PLCH2: variants seen among roughly 807,000 people sequenced by gnomAD.
PLCH2 encodes phospholipase C eta 2.
Under a neutral mutation model 134.7 loss-of-function variants are expected in PLCH2, and 98 were observed. That is an observed-to-expected ratio of 0.73 (90% confidence interval 0.62 to 0.86). The LOEUF is 0.86. Among genes scored for constraint, PLCH2 ranks in the 40% least tolerant of loss-of-function variants. PLCH2 has a pLI of 0.00. For synonymous variants in PLCH2, 974 were observed against 827.5 expected, an observed-to-expected ratio of 1.18 and a Z score of -3.04; for missense variants, 1,994 against 1,986.6, an observed-to-expected ratio of 1.00 and a Z score of -0.07.
intron 2 of PLCH2, among the ~76,000 whole-genome samples, chr1:2,430,936 G>T (rs1212986098): frequency 6.6e-6 from 1 of 152,172 alleles, no homozygotes; most frequent in East Asian, 1.9e-4. Flanking sequence ...GCACTGGGGG[G>T]GTCTGGGAGA....
intron 2 of PLCH2, among the ~76,000 whole-genome samples, chr1:2,431,222 G>T (rs777268886): frequency 5.9e-5 from 9 of 151,834 alleles, no homozygotes; most frequent in African/African-American, 2.2e-4. Context: ...CTGGGCGGCC[G>T]CTCCCAGGCA....
intron 2 of PLCH2, among the ~76,000 whole-genome samples, chr1:2,455,029 A>AC (rs1237079038): frequency 6.6e-6 from 1 of 151,784 alleles, no homozygotes; most frequent in African/African-American, 2.4e-5. Flanking sequence ...CTGTGCTCTG[A>AC]CCCCCACCTG....
chr1:2,436,289 T>A (rs372779588), intron 2 of PLCH2, among the ~76,000 whole-genome samples: 453 of 37,504 alleles, frequency 0.012, 9 homozygotes, highest in African/African-American at 0.013. Flanking sequence ...TCCTCCCTCC[T>A]CCTTTCCTCC....
In PLCH2 at chr1:2,496,820, C is replaced by T. The variant is rs763181853; in HGVS notation, c.1934-8C>T. 22 of 1,610,786 alleles carry T rather than the reference C, an allele frequency of 1.4e-5. No homozygotes were observed. Among genetic ancestry groups the T allele is most frequent in the African/African-American group, 2.7e-5 (2 of 74,916 alleles). ...TGGCAGTCTGATGCCCGGTCACCGG[C>T]GCCACAGCGGCGTCCAGCTGGCAGG... On this transcript the variant is annotated splice_polypyrimidine_tract_variant and splice_region_variant and intron_variant, in intron 14 of 21. Coordinates refer to ENST00000378486, the MANE Select transcript of PLCH2 (RefSeq NM_014638.4).
At position 2,430,835 on chromosome 1, in the gene PLCH2, G is replaced by A. The variant is rs72644603; in HGVS notation, c.115+206G>A. 5.8e-3 allele frequency among the ~76,000 whole-genome samples: 879 copies of A among 152,322 alleles called. 3 individuals are homozygous for A. The highest frequency in any genetic ancestry group is 0.017 in the Middle Eastern group (5 of 294). Reference sequence around the variant, plus strand: ...GCCGCCACGTGCAGAGGAGCCTGGCGTGCAATTCAAGAGCTCTCAGTGTGT... The same window carrying A: ...GCCGCCACGTGCAGAGGAGCCTGGCATGCAATTCAAGAGCTCTCAGTGTGT... On this transcript the variant is annotated intron_variant, in intron 2 of 3. Coordinates refer to the PLCH2 transcript ENST00000609981.
In PLCH2 at chr1:2,445,684, A is replaced by G. The variant is rs987845363; in HGVS notation, c.115+15055A>G. Among the ~76,000 whole-genome samples, 20 of 152,170 alleles carry G rather than the reference A, an allele frequency of 1.3e-4. No homozygotes were observed. The South Asian group carries it at 2.3e-3, about 17-fold the overall frequency. On this transcript the variant is annotated intron_variant, in intron 2 of 3. Transcript: ENST00000609981. ...CTGGTGGGCAGGAGAGACCCCCTAC[A>G]GACCCTCCTAGGTGGTGGTGGGGGC...
rs1285767069 is a variant in PLCH2, at chr1:2,504,561, G to A, written c.3599G>A (p.Ser1200Asn). ...ARPDLPPVTK[S>N]KSNPNLRATG... The stretch of plus-strand genomic sequence containing the variant: ...CCAGACCTGCCACCTGTGACCAAGA[G>A]CAAATCCAACCCCAACCTTCGGGCT... Residue 1200 changes from serine (S) to asparagine (N), a missense_variant, in exon 22 of 22, where the codon AGC becomes AAC. By Grantham distance (46) the Ser-to-Asn change is conservative. Transcript: ENST00000378486. 1.9e-6 allele frequency: 3 copies of A among 1,612,742 alleles called. No homozygotes were observed. Among genetic ancestry groups the A allele is most frequent in the East Asian group, 2.2e-5 (1 of 44,874 alleles).
In PLCH2 at chr1:2,503,910, A is replaced by ACCCCCCCCCCCCCC; in HGVS notation, c.2960-10_2960-9insCCCCCCCCCCCCCC. Reference sequence around the variant, plus strand: ...CCCTCTGGCTCTCTCTCACTCCCCCACCTCCCCACAGACACCCGCCCCCTC... The same window carrying ACCCCCCCCCCCCCC: ...CCCTCTGGCTCTCTCTCACTCCCCCACCCCCCCCCCCCCCCCTCCCCACAGACACCCGCCCCCTC... On this transcript the variant is annotated splice_polypyrimidine_tract_variant and intron_variant, in intron 21 of 21. Coordinates refer to ENST00000378486, the MANE Select transcript of PLCH2 (RefSeq NM_014638.4). 3.7e-6 allele frequency: 1 copy of ACCCCCCCCCCCCCC among 266,690 alleles called. No homozygotes were observed. Among genetic ancestry groups the ACCCCCCCCCCCCCC allele is most frequent in the Non-Finnish European group, 6.5e-6 (1 of 153,076 alleles). 16.5% of individuals were successfully genotyped at this position (266,690 alleles called of 1,614,324 possible). A position where few individuals can be genotyped will look rare whatever the true frequency, so the allele number is the denominator to read the frequency against.
At chr1:2,430,581 G>T (rs4531246) in exon 2 of PLCH2, 44,448 of 151,998 alleles carry the variant, frequency 0.29, 6,722 homozygotes, top group East Asian at 0.41. Flanking sequence ...CCCAGGGCCG[G>T]ATCCGGAGAG....
intron 2 of PLCH2, among the ~76,000 whole-genome samples, chr1:2,454,958 C>T (rs12079344): frequency 6.6e-6 from 1 of 152,076 alleles, no homozygotes. Context: ...CAGGCTGGAC[C>T]CTCCCTGCCT....
intron 7 of PLCH2, 74 bp downstream of exon 7, chr1:2,487,450 C>A (rs1642347941): frequency 1.3e-6 from 2 of 1,481,842 alleles, no homozygotes; most frequent in Non-Finnish European, 9.2e-7. Context: ...TGAGGAGCCC[C>A]CGGGGGGATC....
At position 2,479,756 on chromosome 1, in the gene PLCH2, GGTGA is replaced by G; in HGVS notation, c.300_303del (p.Ser100ArgfsTer74). 6.5e-7 allele frequency: 1 copy of G among 1,548,106 alleles called. No individual in the cohort carries two copies. The highest frequency in any genetic ancestry group is 1.2e-5 in the South Asian group (1 of 84,410). On this transcript the variant is annotated frameshift_variant, in exon 3 of 22. Coordinates refer to ENST00000378486, the MANE Select transcript of PLCH2 (RefSeq NM_014638.4). LOFTEE classifies it high-confidence loss of function. ...CAGTCTCCATCGACTCCATCCAGGA[GGTGA>G]GTGAGGGGCGGCAGTCGGAGGTCTT...
chr1:2,433,027 TC>T (rs1354695562), intron 2 of PLCH2, among the ~76,000 whole-genome samples: 6 of 152,290 alleles, frequency 3.9e-5, no homozygotes, highest in Admixed American at 1.3e-4. Context: ...CCCCCTCCCA[TC>T]CCTGAGGTTG....
chr1:2,460,931 T>G (rs1469947608), intron 2 of PLCH2, among the ~76,000 whole-genome samples: 1 of 152,194 alleles, frequency 6.6e-6, no homozygotes. Flanking sequence ...TGCCCTTCCT[T>G]CAGCAGGCCC....
rs116642962 is a variant in PLCH2, at chr1:2,432,821, C to T, written c.115+2192C>T. ...CAGCAGGGAGGGTCCCCAACTCCCC[C>T]GTCCGGAGGGGCTGTCACAGGAGCT... On this transcript the variant is annotated intron_variant, in intron 2 of 3. Transcript: ENST00000609981. 8.7e-3 allele frequency among the ~76,000 whole-genome samples: 1,326 copies of T among 152,324 alleles called. 12 individuals are homozygous for T. Among genetic ancestry groups the T allele is most frequent in the African/African-American group, 0.03 (1,267 of 41,582 alleles).
chr1:2,479,518 G>A (rs1272942627), intron 2 of PLCH2: 3 of 538,538 alleles, frequency 5.6e-6, no homozygotes, highest in Non-Finnish European at 1.0e-5. Context: ...CCACAGGAAA[G>A]GGAAAGGGGG....
At chr1:2,450,316 G>A (rs1019495793) in intron 2 of PLCH2, among the ~76,000 whole-genome samples, 43 of 152,070 alleles carry the variant, frequency 2.8e-4, no homozygotes, top group African/African-American at 9.4e-4. Context: ...ACAGGCGGCC[G>A]GTCCTCTGGG....
chr1:2,425,923 TC>T (rs1235784247), upstream of PLCH2: 1 of 152,106 alleles, frequency 6.6e-6, no homozygotes, highest in African/African-American at 2.4e-5. Flanking sequence ...ATACTGTGGG[TC>T]CCCCGGCTAA....
chr1:2,453,179 G>A (rs568996710), intron 2 of PLCH2, among the ~76,000 whole-genome samples: 13 of 152,226 alleles, frequency 8.5e-5, no homozygotes, highest in Non-Finnish European at 1.2e-4. Flanking sequence ...TGGGGCAGCC[G>A]GGACAATTTG....
Sources: gnomAD v4.1 joint callset for allele counts (sites outside exome capture counted in the v4.1 genomes callset) on GRCh38, gnomAD v4.1.1 for gene constraint, MANE v1.5 for transcripts, NCBI Gene and HGNC (gene_info 2026-07-23, HGNC 2026-07-21) for gene names.